NRXN3: variants seen among roughly 807,000 people sequenced by gnomAD.
NRXN3 encodes neurexin III.
NRXN3 carries 32 observed loss-of-function variants against 137.6 expected under a neutral mutation model. That is an observed-to-expected ratio of 0.23 (90% CI 0.18 to 0.31). The LOEUF (loss-of-function observed/expected upper bound fraction) is 0.31. Among genes scored for constraint, NRXN3 ranks in the 10% least tolerant of loss-of-function variants. The pLI, the probability that NRXN3 is intolerant of heterozygous loss-of-function variation, is 1.00. For synonymous variants in NRXN3, 798 were observed against 784.5 expected, an observed-to-expected ratio of 1.02 and a Z score of -0.29; for missense variants, 1,574 against 2,062.5, an observed-to-expected ratio of 0.76 and a Z score of 4.59.
chr14:78,758,750 G>A (rs147109912), intron 8 of NRXN3, among the ~76,000 whole-genome samples: 1 of 152,210 alleles, frequency 6.6e-6, no homozygotes, highest in Non-Finnish European at 1.5e-5. Flanking sequence ...TACCTCTAGG[G>A]TTTACTTTGT....
intron 20 of NRXN3, among the ~76,000 whole-genome samples, chr14:79,851,701 C>T (rs997899894): frequency 3.3e-5 from 5 of 152,088 alleles, no homozygotes; most frequent in South Asian, 2.1e-4. Context: ...ATGTTCTCAA[C>T]GAGATATAAT....
chr14:79,469,360 A>G lies in NRXN3; in HGVS notation c.3444+1958A>G, dbSNP rs140274812. 1.2e-3 allele frequency among the ~76,000 whole-genome samples: 178 copies of G among 152,276 alleles called. 1 individual carries two copies. Among genetic ancestry groups the G allele is most frequent in the African/African-American group, 4.3e-3 (177 of 41,566 alleles). Reference sequence around the variant, plus strand: ...CAGATTGTGGTAACTTCTAGGAGGAACCAGAACATTCCAGTATATTTTAAT... The same window carrying G: ...CAGATTGTGGTAACTTCTAGGAGGAGCCAGAACATTCCAGTATATTTTAAT... On this transcript the variant is annotated intron_variant, in intron 16 of 20. Coordinates refer to ENST00000335750, the MANE Select transcript of NRXN3 (RefSeq NM_001330195.2).
At chr14:78,874,681 C>A (rs1480205862) in intron 10 of NRXN3, among the ~76,000 whole-genome samples, 4 of 152,178 alleles carry the variant, frequency 2.6e-5, no homozygotes, top group Non-Finnish European at 5.9e-5. Flanking sequence ...TTTTCCCATT[C>A]ACTCTGTGCC....
intron 19 of NRXN3, among the ~76,000 whole-genome samples, chr14:79,716,131 A>ATGTG (rs1413577820): frequency 6.6e-6 from 1 of 152,186 alleles, no homozygotes; most frequent in African/African-American, 2.4e-5. Context: ...TCACATGGTC[A>ATGTG]TGTGGAATGG....
intron 4 of NRXN3, among the ~76,000 whole-genome samples, chr14:78,625,992 C>T (rs947397786): frequency 4.6e-5 from 7 of 152,170 alleles, no homozygotes; most frequent in Non-Finnish European, 8.8e-5. Context: ...GTGACGGCTC[C>T]ACACAATAGT....
intron 4 of NRXN3, among the ~76,000 whole-genome samples, chr14:78,486,108 T>C (rs2095555573): frequency 6.6e-6 from 1 of 152,198 alleles, no homozygotes; most frequent in African/African-American, 2.4e-5. Flanking sequence ...GGACAATTAT[T>C]GTTGAAGCTG....
intron 15 of NRXN3, among the ~76,000 whole-genome samples, chr14:79,284,388 A>C (rs1238875070): frequency 2.3e-5 from 3 of 132,616 alleles, no homozygotes; most frequent in African/African-American, 5.5e-5. Flanking sequence ...ATATATATGT[A>C]TCTCCAATGT....
chr14:78,347,677 C>T (rs909998154), intron 4 of NRXN3, among the ~76,000 whole-genome samples: 19 of 152,148 alleles, frequency 1.2e-4, no homozygotes, highest in Non-Finnish European at 2.6e-4. Flanking sequence ...ATTATCTTCA[C>T]CACCAAACTA....
At chr14:79,850,515 C>G (rs1286943587) in intron 20 of NRXN3, among the ~76,000 whole-genome samples, 2 of 152,160 alleles carry the variant, frequency 1.3e-5, no homozygotes, top group Non-Finnish European at 2.9e-5. Flanking sequence ...TGAATTCTAA[C>G]AACTGTAATA....
intron 15 of NRXN3, among the ~76,000 whole-genome samples, chr14:79,427,296 A>G (rs986313737): frequency 6.6e-6 from 1 of 152,128 alleles, no homozygotes; most frequent in Non-Finnish European, 1.5e-5. Context: ...GAATGTGTCA[A>G]ATGGGAATAT....
intron 15 of NRXN3, among the ~76,000 whole-genome samples, chr14:79,186,734 C>T (rs989860651): frequency 3.9e-5 from 6 of 152,094 alleles, no homozygotes; most frequent in African/African-American, 9.7e-5. Context: ...CTACACTTCC[C>T]AGCTGTCTCT....
intron 8 of NRXN3, among the ~76,000 whole-genome samples, chr14:78,780,265 A>G (rs986574068): frequency 7.9e-5 from 12 of 152,332 alleles, no homozygotes; most frequent in Admixed American, 7.2e-4. Flanking sequence ...ATGGGAAAAA[A>G]TGAAATTAGA....
At chr14:79,138,108 G>A (rs1050329159) in intron 15 of NRXN3, among the ~76,000 whole-genome samples, 2 of 152,078 alleles carry the variant, frequency 1.3e-5, no homozygotes, top group African/African-American at 4.8e-5. Flanking sequence ...CTTTGAATAG[G>A]ACATGGGAAC....
At chr14:78,216,951 A>T (rs2063348525) in intron 1 of NRXN3, among the ~76,000 whole-genome samples, 1 of 152,064 alleles carries the variant, frequency 6.6e-6, no homozygotes, top group Non-Finnish European at 1.5e-5. Context: ...CTCTAAGGAC[A>T]CTAGGGATTA....
chr14:79,586,340 A>G (rs539233816), intron 16 of NRXN3, among the ~76,000 whole-genome samples: 1 of 152,380 alleles, frequency 6.6e-6, no homozygotes, highest in African/African-American at 2.4e-5. Context: ...AATGTAAAAT[A>G]GAAAAATGTA....
intron 15 of NRXN3, among the ~76,000 whole-genome samples, chr14:79,454,389 T>C (rs1319855669): frequency 2.6e-5 from 4 of 152,084 alleles, no homozygotes; most frequent in Non-Finnish European, 5.9e-5. Flanking sequence ...GCTACTTTTG[T>C]ATTTTTAGTA....
At position 79,321,809 on chromosome 14, in the gene NRXN3, A is replaced by C. The variant is rs1033025475; in HGVS notation, c.3263-145412A>C. ...ATAACTATATTAATATACTTATATA[A>C]GCTACTACATATTAATAAATGATCA... On this transcript the variant is annotated intron_variant, in intron 15 of 20. Coordinates refer to ENST00000335750, the MANE Select transcript of NRXN3 (RefSeq NM_001330195.2). 2.7e-5 allele frequency among the ~76,000 whole-genome samples: 4 copies of C among 149,094 alleles called. No individual in the cohort carries two copies. In the East Asian group the frequency reaches 5.8e-4, roughly 22 times the overall value.
intron 20 of NRXN3, among the ~76,000 whole-genome samples, chr14:79,836,466 G>GA (rs60172013): frequency 0.91 from 137,800 of 151,918 alleles, 62,531 homozygotes; most frequent in East Asian, 0.95. Flanking sequence ...CACTATTCTG[G>GA]AAAAAAAATA....
rs374919002 is a variant in NRXN3 at position 78,870,873 on chromosome 14, G to A, written c.2275+60529G>A. 9.9e-5 allele frequency among the ~76,000 whole-genome samples: 15 copies of A among 151,338 alleles called. No individual in the cohort carries two copies. In the East Asian group the frequency reaches 1.9e-3, roughly 20 times the overall value. On this transcript the variant is annotated intron_variant, in intron 10 of 20. Coordinates refer to ENST00000335750, the MANE Select transcript of NRXN3 (RefSeq NM_001330195.2). ...CATAATATGCTTTAATTCCATCTAC[G>A]TTGTTCCAAATGACAGGATTTCAGT...
Sources: gnomAD v4.1 joint callset for allele counts (sites outside exome capture counted in the v4.1 genomes callset) on GRCh38, gnomAD v4.1.1 for gene constraint, MANE v1.5 for transcripts, NCBI Gene and HGNC (gene_info 2026-07-23, HGNC 2026-07-21) for gene names.